Variants in PCDHGA2 observed in about 807,000 individuals in gnomAD.
The protein encoded by PCDHGA2 is protocadherin gamma-A2.
In PCDHGA2, 40 loss-of-function variants were observed where a neutral mutation model predicts 59.2. The ratio of observed to expected loss-of-function variants is 0.68; its 90% CI spans 0.52 to 0.88. The LOEUF is 0.88. Ranked by LOEUF, PCDHGA2 falls within the 40% of genes least tolerant of loss-of-function variation. PCDHGA2 has a pLI of 0.00. For synonymous variants in PCDHGA2, 560 were observed against 526.0 expected (o/e 1.06, Z -0.89); for missense variants, 1,226 against 1,204.0 (o/e 1.02, Z -0.27).
chr5:141,442,343 G>A (rs1300318674), intron 1 of PCDHGA2: 1 of 152,336 alleles, frequency 6.6e-6, no homozygotes, highest in African/African-American at 2.4e-5. Context: ...CAGGTTTCTG[G>A]GTAACTGTAG....
chr5:141,455,159 G>GTT (rs1390145608), intron 1 of PCDHGA2, among the ~76,000 whole-genome samples: 4 of 144,860 alleles, frequency 2.8e-5, no homozygotes, highest in African/African-American at 7.8e-5. Context: ...TTAGTTTGTT[G>GTT]GTTTTTTTTT....
At chr5:141,478,567 C>T (rs371741874) in intron 1 of PCDHGA2, 20 of 1,593,698 alleles carry the variant, frequency 1.3e-5, no homozygotes, top group Non-Finnish European at 1.7e-5. Flanking sequence ...GCAAGTCATG[C>T]TTGACCCTGT....
intron 1 of PCDHGA2, chr5:141,342,923 T>C (rs1415098450): frequency 1.3e-5 from 2 of 152,330 alleles, no homozygotes; most frequent in South Asian, 2.1e-4. Flanking sequence ...ACCCTGAAGG[T>C]CTGTGATTTC....
Position 141,394,244 on chromosome 5 carries a change from C to G in PCDHGA2, c.2424+52849C>G, listed in dbSNP as rs371631729. Reference sequence around the variant, plus strand: ...CCTCCATCTTTTCCTTGACTGCACACGACCCCGACAGCCAGGAGAATGCCC... The same window carrying G: ...CCTCCATCTTTTCCTTGACTGCACAGGACCCCGACAGCCAGGAGAATGCCC... On this transcript the variant is annotated intron_variant, in intron 1 of 3. Coordinates refer to ENST00000394576, the MANE Select transcript of PCDHGA2 (RefSeq NM_018915.4). The G allele has an allele frequency of 1.2e-5, 19 of 1,613,820 alleles. No homozygotes were observed. Among genetic ancestry groups the G allele is most frequent in the Middle Eastern group, 1.6e-4 (1 of 6,084 alleles).
chr5:141,345,766 C>T lies in PCDHGA2; in HGVS notation c.2424+4371C>T. 3 of 1,614,172 alleles carry T rather than the reference C, an allele frequency of 1.9e-6. No homozygotes were observed. The South Asian group carries it at 3.3e-5, about 18-fold the overall frequency. ...GACGGTTCCACTGGCGTGGAGCTGG[C>T]GCCTCGCTCCGCAGAGCCCGGCTAC... On this transcript the variant is annotated intron_variant, in intron 1 of 3. Coordinates refer to ENST00000394576, the MANE Select transcript of PCDHGA2 (RefSeq NM_018915.4).
Position 141,384,133 on chromosome 5 carries a change from C to T in PCDHGA2, c.2424+42738C>T, listed in dbSNP as rs770731491. 9.3e-6 allele frequency: 15 copies of T among 1,611,570 alleles called. No individual in the cohort carries two copies. Among genetic ancestry groups the T allele is most frequent in the Admixed American group, 1.7e-5 (1 of 59,646 alleles). On this transcript the variant is annotated intron_variant, in intron 1 of 3. Coordinates refer to ENST00000394576, the MANE Select transcript of PCDHGA2 (RefSeq NM_018915.4). ...ATTGGTCACAACCAAAAACTTGGAC[C>T]GGGAAACACTCTCTTTGTATAACAT... is the stretch of plus-strand genomic sequence containing the variant.
intron 1 of PCDHGA2, chr5:141,414,010 G>A (rs1308472085): frequency 1.2e-6 from 2 of 1,612,990 alleles, no homozygotes; most frequent in Non-Finnish European, 1.7e-6. Flanking sequence ...AGGTGCCAAT[G>A]GAGAAGTGAC....
chr5:141,386,970 C>T (rs767088472), intron 1 of PCDHGA2, among the ~76,000 whole-genome samples: 17 of 152,108 alleles, frequency 1.1e-4, no homozygotes, highest in Non-Finnish European at 2.1e-4. Flanking sequence ...ATCTCAGTGA[C>T]TTTGTGTTTT....
chr5:141,472,980 C>CAAAAAAAAAAAAAAAAAAGAAAAAAA (rs60579131), intron 1 of PCDHGA2, among the ~76,000 whole-genome samples: 1 of 86,106 alleles, frequency 1.2e-5, no homozygotes, highest in South Asian at 4.3e-4. Flanking sequence ...GAGTGAAACT[C>CAAAAAAAAAAAAAAAAAAGAAAAAAA]AAAAAAAAAA....
chr5:141,355,440 C>T (rs1422481246), intron 1 of PCDHGA2: 1 of 1,614,130 alleles, frequency 6.2e-7, no homozygotes. Flanking sequence ...TGAACCCGCG[C>T]AGCGGCACCT....
intron 1 of PCDHGA2, chr5:141,365,598 C>G (rs772367194): frequency 1.2e-6 from 2 of 1,613,672 alleles, no homozygotes; most frequent in Non-Finnish European, 1.7e-6. Flanking sequence ...ATCACTTTAA[C>G]CGTCATGGAC....
chr5:141,418,914 T>C (rs1200050684), intron 1 of PCDHGA2: 4 of 1,613,964 alleles, frequency 2.5e-6, no homozygotes, highest in East Asian at 2.2e-5. Context: ...ATCACGTCAC[T>C]CTCTGATCAG....
At chr5:141,355,981 C>G in intron 1 of PCDHGA2, 1 of 1,613,874 alleles carries the variant, frequency 6.2e-7, no homozygotes, top group Non-Finnish European at 8.5e-7. Flanking sequence ...AGGCACTCGG[C>G]TACTCACCGT....
Position 141,338,869 on chromosome 5 carries a change from C to T in PCDHGA2, c.-103C>T, listed in dbSNP as rs1206193720. Reference sequence around the variant, plus strand: ...GCCCACCAGTTCTCTCCATAGGGACCTGGGTCCCGTGAATGCTGGTTATCT... The same window carrying T: ...GCCCACCAGTTCTCTCCATAGGGACTTGGGTCCCGTGAATGCTGGTTATCT... On this transcript the variant is annotated 5_prime_UTR_variant, in exon 1 of 4. Transcript: ENST00000394576. 14 of 1,445,336 alleles carry T rather than the reference C, an allele frequency of 9.7e-6. No individual in the cohort carries two copies. The highest frequency in any genetic ancestry group is 1.3e-5 in the Non-Finnish European group (14 of 1,100,636). The allele number at this position is 1,445,336 out of a possible 1,614,324, so 89.5% of individuals were successfully genotyped here. A position where few individuals can be genotyped will look rare whatever the true frequency, so the allele number is the denominator to read the frequency against.
chr5:141,362,276 G>A (rs1762413710), intron 1 of PCDHGA2: 17 of 1,613,888 alleles, frequency 1.1e-5, no homozygotes, highest in Middle Eastern at 1.6e-4. Flanking sequence ...ATCTCCCTGC[G>A]CCTGCGACTC....
chr5:141,368,358 T>C (rs975502354), intron 1 of PCDHGA2, among the ~76,000 whole-genome samples: 9 of 151,988 alleles, frequency 5.9e-5, no homozygotes, highest in African/African-American at 1.9e-4. Flanking sequence ...CACACATATA[T>C]ATACACACAT....
At chr5:141,374,181 A>G (rs765792921) in intron 1 of PCDHGA2, 14 of 1,613,530 alleles carry the variant, frequency 8.7e-6, no homozygotes, top group African/African-American at 2.7e-5. Flanking sequence ...CAGATCCGCT[A>G]CTCTATTCCC....
chr5:141,355,213 C>T (rs1416061639), intron 1 of PCDHGA2: 2 of 1,600,986 alleles, frequency 1.2e-6, no homozygotes, highest in Non-Finnish European at 1.7e-6. Flanking sequence ...GGCGGCGCCT[C>T]CTGCTCGCCC....
chr5:141,352,831 T>C (rs1759121682), intron 1 of PCDHGA2: 1 of 744,462 alleles, frequency 1.3e-6, no homozygotes, highest in Non-Finnish European at 2.1e-6. Context: ...CTACTAAAAT[T>C]ACAAAAATTA....
Sources: gnomAD v4.1 joint callset for allele counts (sites outside exome capture counted in the v4.1 genomes callset) on GRCh38, gnomAD v4.1.1 for gene constraint, MANE v1.5 for transcripts, NCBI Gene and HGNC (gene_info 2026-07-23, HGNC 2026-07-21) for gene names.